GRM7: variants seen among roughly 807,000 people sequenced by gnomAD.
GRM7 encodes metabotropic glutamate receptor 7.
Under a neutral mutation model 84.5 loss-of-function variants are expected in GRM7, and 35 were observed. That is an observed-to-expected ratio of 0.41 (90% confidence interval 0.32 to 0.55). The LOEUF is 0.55. Ranked by LOEUF, GRM7 falls within the 20% of genes least tolerant of loss-of-function variation. The pLI is 0.19. For missense variants in GRM7, 1,003 were observed against 1,194.6 expected (o/e 0.84, Z 2.36); for synonymous variants, 487 against 455.1 (o/e 1.07, Z -0.89).
At chr3:7,651,909 C>T (rs1240050857) in intron 8 of GRM7, among the ~76,000 whole-genome samples, 2 of 152,190 alleles carry the variant, frequency 1.3e-5, no homozygotes, top group Non-Finnish European at 2.9e-5. Context: ...ACATACAGCT[C>T]AAGCTCTCAG....
At chr3:7,447,011 G>A (rs1459609805) in intron 5 of GRM7, among the ~76,000 whole-genome samples, 1 of 151,538 alleles carries the variant, frequency 6.6e-6, no homozygotes, top group African/African-American at 2.4e-5. Context: ...TTCAACAGAA[G>A]GTTAAAAGAG....
chr3:6,923,931 G>A (rs904646723), intron 1 of GRM7, among the ~76,000 whole-genome samples: 2 of 152,098 alleles, frequency 1.3e-5, no homozygotes, highest in African/African-American at 4.8e-5. Context: ...CTTTTCTTCT[G>A]TTCACTCATG....
At chr3:7,458,320 T>C (rs957301797) in intron 6 of GRM7, among the ~76,000 whole-genome samples, 9 of 152,200 alleles carry the variant, frequency 5.9e-5, no homozygotes, top group African/African-American at 2.2e-4. Flanking sequence ...GGCATCTCTG[T>C]GGGGAATCAT....
intron 4 of GRM7, among the ~76,000 whole-genome samples, chr3:7,348,153 C>A (rs12634463): frequency 6.6e-6 from 1 of 151,932 alleles, no homozygotes; most frequent in East Asian, 1.9e-4. Flanking sequence ...CCTAGGTCAT[C>A]TGTTGCTTAG....
chr3:7,561,039 T>A (rs1419511310), intron 7 of GRM7, among the ~76,000 whole-genome samples: 1 of 152,108 alleles, frequency 6.6e-6, no homozygotes, highest in Non-Finnish European at 1.5e-5. Context: ...CCTGCCTGTG[T>A]CTTAGTCTCC....
At chr3:7,510,358 T>G (rs1213232348) in intron 7 of GRM7, among the ~76,000 whole-genome samples, 2 of 152,164 alleles carry the variant, frequency 1.3e-5, no homozygotes, top group Non-Finnish European at 2.9e-5. Context: ...TCTGTGCCTG[T>G]TGCGGAGAAA....
intron 5 of GRM7, among the ~76,000 whole-genome samples, chr3:7,436,291 GGTT>G (rs1181070091): frequency 6.6e-6 from 1 of 151,242 alleles, no homozygotes; most frequent in Non-Finnish European, 1.5e-5. Context: ...TTCTTTTCCA[GGTT>G]GTTAAGAACA....
intron 2 of GRM7, among the ~76,000 whole-genome samples, chr3:7,164,152 A>G (rs1015803444): frequency 2.0e-5 from 3 of 152,184 alleles, no homozygotes; most frequent in Non-Finnish European, 4.4e-5. Context: ...TGAGGCCAGG[A>G]GTTCAAGACC....
intron 5 of GRM7, among the ~76,000 whole-genome samples, chr3:7,430,444 C>A (rs6443110): frequency 0.33 from 49,848 of 152,088 alleles, 9,496 homozygotes; most frequent in Non-Finnish European, 0.44. Flanking sequence ...ACTACACAGA[C>A]ATAAAATGAA....
intron 9 of GRM7, among the ~76,000 whole-genome samples, chr3:7,717,852 C>T (rs994810636): frequency 6.6e-6 from 1 of 152,214 alleles, no homozygotes; most frequent in African/African-American, 2.4e-5. Flanking sequence ...CAAACCCATA[C>T]CTGTGTGTTA....
chr3:6,863,679 G>T lies in GRM7; in HGVS notation c.519+1772G>T, dbSNP rs1005030931. Reference sequence around the variant, plus strand: ...TGAGCTTAAAGCTAGACAAGTTGAGGTAGCAGTGCAGCGGGAGAGGATGAG... The same window carrying T: ...TGAGCTTAAAGCTAGACAAGTTGAGTTAGCAGTGCAGCGGGAGAGGATGAG... On this transcript the variant is annotated intron_variant, in intron 1 of 9. Transcript: ENST00000357716. The surrounding 1 kb of genome is among the most constrained non-coding windows in gnomAD (Gnocchi z 4.8). Among the ~76,000 whole-genome samples the T allele has an allele frequency of 2.0e-5, 3 of 152,178 alleles. No homozygotes were observed. The highest frequency in any genetic ancestry group is 7.2e-5 in the African/African-American group (3 of 41,448).
At chr3:7,630,957 T>C (rs992072229) in intron 8 of GRM7, among the ~76,000 whole-genome samples, 1 of 152,204 alleles carries the variant, frequency 6.6e-6, no homozygotes, top group Non-Finnish European at 1.5e-5. Context: ...TTTTTAAAAG[T>C]GCCAACTGTA....
chr3:7,032,291 C>A (rs1380528778), intron 1 of GRM7, among the ~76,000 whole-genome samples: 1 of 152,168 alleles, frequency 6.6e-6, no homozygotes, highest in South Asian at 2.1e-4. Flanking sequence ...TCAGCCCAAA[C>A]TGTTCTTATA....
In GRM7 at chr3:7,483,868, G is replaced by C. The variant is rs1010127892; in HGVS notation, c.1515+22146G>C. On this transcript the variant is annotated intron_variant, in intron 7 of 9. Coordinates refer to ENST00000357716, the MANE Select transcript of GRM7 (RefSeq NM_000844.4). ...GGAATATTATAAAACACGCAAAATG[G>C]ACATTAAAAATTGTCAACTAAAGAG... 2.0e-5 allele frequency among the ~76,000 whole-genome samples: 3 copies of C among 151,794 alleles called. No homozygotes were observed. The South Asian group carries it at 6.2e-4, about 31-fold the overall frequency.
intron 3 of GRM7, among the ~76,000 whole-genome samples, chr3:7,300,277 C>T (rs550866140): frequency 5.9e-5 from 9 of 152,310 alleles, no homozygotes; most frequent in South Asian, 2.1e-4. Context: ...TTACCACCAG[C>T]GTCTCAAACC....
At chr3:7,254,061 A>G (rs545919832) in intron 2 of GRM7, among the ~76,000 whole-genome samples, 3 of 152,100 alleles carry the variant, frequency 2.0e-5, no homozygotes, top group Non-Finnish European at 2.9e-5. Flanking sequence ...GAGGTAGGGT[A>G]TCTTCTTTAT....
intron 1 of GRM7, among the ~76,000 whole-genome samples, chr3:7,086,222 C>A (rs755352644): frequency 3.3e-5 from 5 of 151,826 alleles, no homozygotes; most frequent in Non-Finnish European, 7.4e-5. Flanking sequence ...AAGTTGCTTG[C>A]GTTTTGAATT....
intron 7 of GRM7, among the ~76,000 whole-genome samples, chr3:7,562,343 C>G (rs1694061960): frequency 6.7e-6 from 1 of 150,212 alleles, no homozygotes; most frequent in African/African-American, 2.5e-5. Context: ...TCACTTTCCC[C>G]CTTATATTTT....
chr3:7,532,461 G>GTGA (rs1459853169), intron 7 of GRM7, among the ~76,000 whole-genome samples: 3 of 152,030 alleles, frequency 2.0e-5, no homozygotes, highest in African/African-American at 7.2e-5. Flanking sequence ...GGGATCAGTG[G>GTGA]TGATACCCCC....
Sources: allele counts gnomAD v4.1 joint callset (sites outside exome capture counted in the v4.1 genomes callset), GRCh38; gene constraint gnomAD v4.1.1; non-coding constraint Gnocchi (gnomAD v3.1); transcripts MANE v1.5; gene names NCBI Gene and HGNC (gene_info 2026-07-23, HGNC 2026-07-21).